Variants in THSD7B observed in about 807,000 individuals in gnomAD.
THSD7B encodes the protein thrombospondin type-1 domain-containing protein 7B.
Under a neutral mutation model 213.6 loss-of-function variants are expected in THSD7B, and 138 were observed. The ratio of observed to expected loss-of-function variants is 0.65; its 90% confidence interval spans 0.56 to 0.74. The LOEUF (loss-of-function observed/expected upper bound fraction) is 0.74. THSD7B is among the 30% of genes least tolerant of loss of function. THSD7B has a pLI of 0.00. For synonymous variants in THSD7B, 742 were observed against 687.0 expected, an observed-to-expected ratio of 1.08 and a Z score of -1.25; for missense variants, 1,931 against 1,991.5, an observed-to-expected ratio of 0.97 and a Z score of 0.58.
intron 2 of THSD7B, among the ~76,000 whole-genome samples, chr2:136,887,205 C>G (rs1683733296): frequency 6.6e-6 from 1 of 151,946 alleles, no homozygotes; most frequent in African/African-American, 2.4e-5. Flanking sequence ...TTTCATCACC[C>G]CAAGCTATAT....
At chr2:136,909,507 C>T (rs1330947635) in intron 2 of THSD7B, among the ~76,000 whole-genome samples, 1 of 152,088 alleles carries the variant, frequency 6.6e-6, no homozygotes, top group Non-Finnish European at 1.5e-5. Context: ...AGTTGTGATT[C>T]CAGAGTCTTG....
chr2:137,555,665 C>T (rs1465437245), intron 15 of THSD7B, among the ~76,000 whole-genome samples: 1 of 152,122 alleles, frequency 6.6e-6, no homozygotes, highest in Admixed American at 6.5e-5. Flanking sequence ...CACAGCTCCT[C>T]ACCAGCAACG....
intron 15 of THSD7B, among the ~76,000 whole-genome samples, chr2:137,558,106 G>A (rs939683210): frequency 6.6e-6 from 1 of 152,150 alleles, no homozygotes; most frequent in Non-Finnish European, 1.5e-5. Flanking sequence ...AGGACCAGAT[G>A]GATTCACAGC....
At chr2:136,856,103 A>T (rs1683177314) in intron 1 of THSD7B, among the ~76,000 whole-genome samples, 1 of 152,084 alleles carries the variant, frequency 6.6e-6, no homozygotes, top group African/African-American at 2.4e-5. Flanking sequence ...TTGTGTAATT[A>T]TTTGTTTAGT....
intron 1 of THSD7B, among the ~76,000 whole-genome samples, chr2:136,782,440 C>G (rs1392589518): frequency 6.6e-6 from 1 of 152,124 alleles, no homozygotes; most frequent in African/African-American, 2.4e-5. Context: ...CAAAAACACC[C>G]TTTGAATGAG....
rs766154358 is a variant in THSD7B at position 137,616,209 on chromosome 2, G to A, written c.3458G>A (p.Arg1153His). The change falls in exon 18 of 28, where the codon CGC becomes CAC. Residue 1153 changes from arginine to histidine, a missense_variant. Coordinates refer to ENST00000409968, the MANE Select transcript of THSD7B (RefSeq NM_001316349.2). ...CCCCACACAATGCAGAGAAGAACTC[G>A]CCACCTGCTAAGACCATCACTGAAC... ...CDPHTMQRRTRHLLRPSLNSR... is the reference protein window; with the variant it reads ...CDPHTMQRRTHHLLRPSLNSR... The A allele has an allele frequency of 3.7e-6, 6 of 1,613,348 alleles. No individual in the cohort carries two copies. The highest frequency in any genetic ancestry group is 2.2e-5 in the South Asian group (2 of 91,052).
chr2:137,312,057 A>T (rs1683926979), intron 12 of THSD7B, among the ~76,000 whole-genome samples: 1 of 150,022 alleles, frequency 6.7e-6, no homozygotes, highest in Admixed American at 6.6e-5. Flanking sequence ...TTTTCTGTTG[A>T]TTGGAATAGT....
chr2:137,599,515 G>A (rs891338070), intron 17 of THSD7B, among the ~76,000 whole-genome samples: 3 of 151,554 alleles, frequency 2.0e-5, no homozygotes, highest in Non-Finnish European at 4.4e-5. Context: ...TGGAGAAATA[G>A]GAACACTTTT....
intron 1 of THSD7B, among the ~76,000 whole-genome samples, chr2:136,803,229 T>C (rs973441854): frequency 1.3e-5 from 2 of 151,980 alleles, no homozygotes; most frequent in Non-Finnish European, 2.9e-5. Context: ...AAACAGAAAA[T>C]TAATGTAATG....
At chr2:136,939,745 G>A (rs932602897) in intron 2 of THSD7B, among the ~76,000 whole-genome samples, 3 of 151,912 alleles carry the variant, frequency 2.0e-5, no homozygotes, top group Non-Finnish European at 2.9e-5. Context: ...TTCCCTTCTC[G>A]CTTCACAGGC....
At chr2:137,271,388 T>TAA (rs561561906) in intron 10 of THSD7B, among the ~76,000 whole-genome samples, 14 of 139,550 alleles carry the variant, frequency 1.0e-4, no homozygotes, top group Admixed American at 7.7e-5. Flanking sequence ...TATATATATA[T>TAA]TATGAATTAT....
rs555454117 is a variant in THSD7B, at chr2:137,316,627, G to A, written c.2500+40601G>A. ...AATACAAAAAGCCAGGCGCGGTGGTGGGTGCCTGTAGTCCCAGCTACTCAG... is the reference window on the plus strand; with the variant it reads ...AATACAAAAAGCCAGGCGCGGTGGTAGGTGCCTGTAGTCCCAGCTACTCAG... On this transcript the variant is annotated intron_variant, in intron 12 of 27. Transcript: ENST00000409968. Among the ~76,000 whole-genome samples, 4 of 152,128 alleles carry A rather than the reference G, an allele frequency of 2.6e-5. No homozygotes were observed. The East Asian group carries it at 7.8e-4, about 30-fold the overall frequency.
chr2:137,533,848 A>G (rs1436048972), intron 15 of THSD7B, among the ~76,000 whole-genome samples: 1 of 151,866 alleles, frequency 6.6e-6, no homozygotes, highest in Non-Finnish European at 1.5e-5. Flanking sequence ...CTTGATTGAT[A>G]CCCTCTCTTA....
intron 1 of THSD7B, among the ~76,000 whole-genome samples, chr2:136,844,245 G>A (rs1682964173): frequency 6.6e-6 from 1 of 152,116 alleles, no homozygotes; most frequent in Admixed American, 6.6e-5. Flanking sequence ...CCAATCAGTG[G>A]ACAATGTGGT....
intron 15 of THSD7B, among the ~76,000 whole-genome samples, chr2:137,458,051 C>CAAACA (rs1687798074): frequency 1.3e-5 from 2 of 151,004 alleles, no homozygotes; most frequent in South Asian, 4.2e-4. Context: ...AGGAAAAAAA[C>CAAACA]AAAAAAAAAG....
intron 1 of THSD7B, among the ~76,000 whole-genome samples, chr2:136,824,549 T>G (rs993537206): frequency 2.0e-5 from 3 of 152,216 alleles, no homozygotes; most frequent in African/African-American, 7.2e-5. Flanking sequence ...GTACCAAATA[T>G]AATCAGTGTT....
rs146553978 is a variant in THSD7B at position 137,405,825 on chromosome 2, C to T, written c.2695+18C>T. 6.3e-7 allele frequency: 1 copy of T among 1,585,856 alleles called. No individual in the cohort carries two copies. The highest frequency in any genetic ancestry group is 2.3e-5 in the East Asian group (1 of 44,024). On this transcript the variant is annotated intron_variant, in intron 13 of 27. Coordinates refer to ENST00000409968, the MANE Select transcript of THSD7B (RefSeq NM_001316349.2). ...GCTCACAGGTATAGTGTGCATTTTA[C>T]TCTTTAGCATCAGGCAAGCTGAACA...
intron 7 of THSD7B, among the ~76,000 whole-genome samples, chr2:137,208,789 T>G (rs182120968): frequency 6.6e-6 from 1 of 151,924 alleles, no homozygotes; most frequent in Non-Finnish European, 1.5e-5. Context: ...TCATGAGCCA[T>G]GGGGCTGGGT....
intron 2 of THSD7B, among the ~76,000 whole-genome samples, chr2:136,994,218 CAG>C (rs1685837788): frequency 6.6e-6 from 1 of 152,074 alleles, no homozygotes; most frequent in Non-Finnish European, 1.5e-5. Context: ...GTTTGTAAGA[CAG>C]AGAAAAGCAT....
Sources: gnomAD v4.1 joint callset for allele counts (sites outside exome capture counted in the v4.1 genomes callset) on GRCh38, gnomAD v4.1.1 for gene constraint, MANE v1.5 for transcripts, NCBI Gene and HGNC (gene_info 2026-07-23, HGNC 2026-07-21) for gene names.